The following PLCB4 variants were observed in gnomAD, a reference collection of about 807,000 sequenced individuals.
PLCB4 encodes 1-phosphatidylinositol 4,5-bisphosphate phosphodiesterase beta-4.
Under a neutral mutation model 178.8 loss-of-function variants are expected in PLCB4, and 77 were observed. The observed-to-expected ratio is 0.43, with a 90% CI of 0.36 to 0.52. The LOEUF (loss-of-function observed/expected upper bound fraction) is 0.52, where lower values mean the gene tolerates loss of function less well. PLCB4 is among the 20% of genes least tolerant of loss of function. PLCB4 has a pLI of 0.00. For synonymous variants in PLCB4, 496 were observed against 490.8 expected (o/e 1.01, Z -0.14); for missense variants, 1,024 against 1,453.4 (o/e 0.70, Z 4.80).
intron 7 of PLCB4, among the ~76,000 whole-genome samples, chr20:9,350,668 T>C (rs764426122): frequency 9.9e-5 from 15 of 151,902 alleles, no homozygotes; most frequent in Non-Finnish European, 1.9e-4. Context: ...AAGTTATTCT[T>C]GTGCCTTGGC....
chr20:9,180,609 A>C (rs2093229933), intron 2 of PLCB4, among the ~76,000 whole-genome samples: 2 of 152,166 alleles, frequency 1.3e-5, no homozygotes, highest in Non-Finnish European at 2.9e-5. Flanking sequence ...GCTGCCTTTC[A>C]CACAAAGGTG....
At chr20:9,345,993 A>G (rs1200246837) in intron 7 of PLCB4, among the ~76,000 whole-genome samples, 1 of 152,130 alleles carries the variant, frequency 6.6e-6, no homozygotes, top group East Asian at 1.9e-4. Context: ...ATTTAAATTG[A>G]GTCCTCCTGG....
At chr20:9,239,714 C>CCA (rs1371691945) in intron 3 of PLCB4, among the ~76,000 whole-genome samples, 1 of 152,028 alleles carries the variant, frequency 6.6e-6, no homozygotes, top group Non-Finnish European at 1.5e-5. Context: ...AGATGAAGTC[C>CCA]CACAGTAGGC....
chr20:9,097,411 G>T (rs932154572), intron 2 of PLCB4, among the ~76,000 whole-genome samples: 1 of 151,852 alleles, frequency 6.6e-6, no homozygotes, highest in Non-Finnish European at 1.5e-5. Flanking sequence ...GGTCCCATGG[G>T]GCTGTCACCC....
At chr20:9,275,093 T>C (rs1472058061) in intron 3 of PLCB4, among the ~76,000 whole-genome samples, 2 of 152,080 alleles carry the variant, frequency 1.3e-5, no homozygotes, top group Non-Finnish European at 2.9e-5. Flanking sequence ...TAGCCCGTTT[T>C]CATGCTGCTG....
At chr20:9,314,478 T>A (rs1601787486) in intron 4 of PLCB4, among the ~76,000 whole-genome samples, 1 of 151,956 alleles carries the variant, frequency 6.6e-6, no homozygotes, top group East Asian at 1.9e-4. Flanking sequence ...TAGAATGAGG[T>A]TGGAATTTCT....
At chr20:9,151,289 A>G (rs537135909) in intron 2 of PLCB4, among the ~76,000 whole-genome samples, 88 of 152,278 alleles carry the variant, frequency 5.8e-4, no homozygotes, top group African/African-American at 1.9e-3. Context: ...GGACTTGAGC[A>G]TCTGTGAGTT....
At chr20:9,133,505 G>A (rs1288799604) in intron 2 of PLCB4, among the ~76,000 whole-genome samples, 1 of 152,102 alleles carries the variant, frequency 6.6e-6, no homozygotes, top group African/African-American at 2.4e-5. Context: ...GACCTCTGGT[G>A]ATCCATCTAC....
intron 4 of PLCB4, among the ~76,000 whole-genome samples, chr20:9,315,287 G>T (rs1361291061): frequency 3.9e-5 from 6 of 152,178 alleles, no homozygotes; most frequent in African/African-American, 1.4e-4. Flanking sequence ...ACAATCTTGA[G>T]TACAGTTGGC....
intron 18 of PLCB4, among the ~76,000 whole-genome samples, chr20:9,394,342 A>G (rs2038398603): frequency 6.6e-6 from 1 of 152,200 alleles, no homozygotes; most frequent in Non-Finnish European, 1.5e-5. Flanking sequence ...CAAGACAATG[A>G]AAAGTGTAAG....
chr20:9,187,919 G>C (rs1258207384), intron 2 of PLCB4, among the ~76,000 whole-genome samples: 1 of 152,142 alleles, frequency 6.6e-6, no homozygotes, highest in Admixed American at 6.5e-5. Flanking sequence ...AGGTCTCTCA[G>C]TTTTAATACA....
At chr20:9,227,353 T>A (rs2093879750) in intron 3 of PLCB4, among the ~76,000 whole-genome samples, 1 of 152,162 alleles carries the variant, frequency 6.6e-6, no homozygotes, top group Admixed American at 6.5e-5. Flanking sequence ...ACTTTTCTTG[T>A]CATATGTTAG....
At chr20:9,471,926 C>A (rs879100063) in intron 36 of PLCB4, among the ~76,000 whole-genome samples, 1 of 152,200 alleles carries the variant, frequency 6.6e-6, no homozygotes, top group African/African-American at 2.4e-5. Flanking sequence ...CATACTTCAT[C>A]CACTCATCTG....
chr20:9,095,590 T>C (rs2090878024), intron 1 of PLCB4, among the ~76,000 whole-genome samples: 1 of 152,224 alleles, frequency 6.6e-6, no homozygotes, highest in Non-Finnish European at 1.5e-5. Flanking sequence ...AAATAATTTA[T>C]ATTAACAAGT....
chr20:9,324,839 G>A (rs1333727627), intron 4 of PLCB4, among the ~76,000 whole-genome samples: 2 of 151,842 alleles, frequency 1.3e-5, no homozygotes, highest in Non-Finnish European at 2.9e-5. Flanking sequence ...CTGGAGTGAC[G>A]TATCATGCAG....
chr20:9,311,455 A>G (rs1407172332), intron 4 of PLCB4, among the ~76,000 whole-genome samples: 2 of 152,196 alleles, frequency 1.3e-5, no homozygotes, highest in African/African-American at 4.8e-5. Context: ...ATCATGCTGA[A>G]TAAGTTTCAT....
chr20:9,275,792 A>G (rs6140908), intron 3 of PLCB4, among the ~76,000 whole-genome samples: 14,669 of 152,086 alleles, frequency 0.096, 1,236 homozygotes, highest in East Asian at 0.32. Flanking sequence ...TGCCAACTCC[A>G]TTACATGCAT....
intron 4 of PLCB4, among the ~76,000 whole-genome samples, chr20:9,327,284 AT>A (rs34675088): frequency 8.1e-5 from 12 of 148,646 alleles, no homozygotes; most frequent in East Asian, 5.9e-4. Context: ...ACAAAAAAAA[AT>A]TTTTTTTTTT....
intron 33 of PLCB4, among the ~76,000 whole-genome samples, chr20:9,454,846 A>G (rs2042964502): frequency 6.6e-6 from 1 of 152,226 alleles, no homozygotes; most frequent in Non-Finnish European, 1.5e-5. Context: ...AGAAAAATAC[A>G]AATCAGGCAC....
Sources: gnomAD v4.1 joint callset for allele counts (sites outside exome capture counted in the v4.1 genomes callset) on GRCh38, gnomAD v4.1.1 for gene constraint, MANE v1.5 for transcripts, NCBI Gene and HGNC (gene_info 2026-07-23, HGNC 2026-07-21) for gene names.